The following NUP210L variants were observed in gnomAD, a reference collection of about 807,000 sequenced individuals.
The protein encoded by NUP210L is nucleoporin 210 like.
NUP210L carries 74 observed loss-of-function variants against 208.5 expected under a neutral mutation model. That is an observed-to-expected ratio of 0.35 (90% CI 0.29 to 0.43). The LOEUF is 0.43. Ranked by LOEUF, NUP210L falls within the 20% of genes least tolerant of loss-of-function variation. NUP210L has a pLI of 1.00. For missense variants in NUP210L, 1,843 were observed against 2,289.4 expected (o/e 0.81, Z 3.98); for synonymous variants, 780 against 816.9 (o/e 0.95, Z 0.77).
intron 7 of NUP210L, among the ~76,000 whole-genome samples, chr1:154,135,394 C>T (rs569119528): frequency 4.4e-4 from 67 of 152,004 alleles, no homozygotes; most frequent in Admixed American, 2.2e-3. Context: ...AAAATAAAAC[C>T]TATAGGAAAA....
chr1:153,995,153 T>C (rs764743620), exon 38 of NUP210L: 2 of 1,613,944 alleles, frequency 1.2e-6, no homozygotes, highest in East Asian at 2.2e-5. Flanking sequence ...AGTGAACCGC[T>C]TGAGGATGGC....
At chr1:154,070,295 G>A in exon 17 of NUP210L, 2 of 1,608,376 alleles carry the variant, frequency 1.2e-6, no homozygotes, top group Non-Finnish European at 1.7e-6. Flanking sequence ...TCTGCCCACT[G>A]CCATCATCTT....
At chr1:154,118,571 G>T in intron 11 of NUP210L, 100 bp downstream of exon 11, 1 of 898,464 alleles carries the variant, frequency 1.1e-6, no homozygotes, top group Non-Finnish European at 1.6e-6. Context: ...TATACTTTTA[G>T]GATTGGGAGG....
chr1:154,030,372 A>T (rs1486163949), intron 27 of NUP210L, among the ~76,000 whole-genome samples: 1 of 151,918 alleles, frequency 6.6e-6, no homozygotes, highest in Non-Finnish European at 1.5e-5. Flanking sequence ...ATCTCAGCTC[A>T]CTGCAGCCTC....
At chr1:154,055,112 CTCTT>C (rs1429751968) in intron 23 of NUP210L, among the ~76,000 whole-genome samples, 5 of 140,762 alleles carry the variant, frequency 3.6e-5, no homozygotes, top group South Asian at 4.7e-4. Context: ...TCTTTTCTTT[CTCTT>C]TCTTTCTTTT....
intron 10 of NUP210L, 134 bp from the exon 11 acceptor site, chr1:154,118,942 AAAT>A (rs1657472630): frequency 8.7e-6 from 4 of 460,724 alleles, no homozygotes; most frequent in Admixed American, 3.3e-5. Flanking sequence ...TAAAAGAAAT[AAAT>A]AAATATTTCT....
chr1:154,113,666 T>C (rs1657162077), intron 12 of NUP210L, among the ~76,000 whole-genome samples: 1 of 150,914 alleles, frequency 6.6e-6, no homozygotes, highest in Non-Finnish European at 1.5e-5. Flanking sequence ...AACACCAGCC[T>C]GGCCAATATG....
intron 17 of NUP210L, among the ~76,000 whole-genome samples, chr1:154,066,895 G>A (rs1654450074): frequency 6.6e-6 from 1 of 152,156 alleles, no homozygotes; most frequent in South Asian, 2.1e-4. Flanking sequence ...AAACCAGGAA[G>A]AAGCTGAATC....
chr1:154,055,181 T>C (rs1175177366), intron 23 of NUP210L, among the ~76,000 whole-genome samples: 19 of 143,788 alleles, frequency 1.3e-4, no homozygotes, highest in African/African-American at 4.8e-4. Flanking sequence ...CTTTCTTTCT[T>C]TCTTTCTTTT....
chr1:154,109,173 T>C (rs7520349), intron 12 of NUP210L, among the ~76,000 whole-genome samples: 41,717 of 151,172 alleles, frequency 0.28, 6,300 homozygotes, highest in Admixed American at 0.37. Context: ...TAAAGACACA[T>C]GTAGACTGAA....
intron 34 of NUP210L, among the ~76,000 whole-genome samples, chr1:154,010,999 A>C (rs1441859022): frequency 2.0e-5 from 3 of 152,154 alleles, no homozygotes; most frequent in Non-Finnish European, 4.4e-5. Flanking sequence ...TCAAGCCCCA[A>C]ATCCCTAGAA....
rs930094622 is a variant in NUP210L, at chr1:154,025,825, C to T, written c.3948-109G>A. On this transcript the variant is annotated intron_variant, in intron 29 of 39. Coordinates refer to ENST00000368559, the Ensembl canonical transcript of NUP210L. ...TTAGGGGATGTACTCGAGAAAACTG[C>T]TTGCCATTCTCCACGTGTGTAATTA... The T allele has an allele frequency of 6.0e-6, 5 of 835,128 alleles. No homozygotes were observed. In the African/African-American group the frequency reaches 6.8e-5, roughly 11 times the overall value. The allele number at this position is 835,128 out of a possible 1,614,324, so 51.7% of individuals were successfully genotyped here.
chr1:154,133,047 C>A (rs1432265521), intron 7 of NUP210L, among the ~76,000 whole-genome samples: 2 of 152,172 alleles, frequency 1.3e-5, no homozygotes, highest in Non-Finnish European at 2.9e-5. Context: ...CTAGGCCCTA[C>A]CTAATCTGCC....
intron 15 of NUP210L, 151 bp from the exon 16 acceptor site, chr1:154,089,745 T>A: frequency 1.6e-6 from 1 of 641,238 alleles, no homozygotes; most frequent in South Asian, 2.0e-5. Flanking sequence ...ATTATAGTTC[T>A]TAATTATCTA....
At chr1:154,125,667 A>G (rs1399570078) in intron 10 of NUP210L, among the ~76,000 whole-genome samples, 4 of 2,946 alleles carry the variant, frequency 1.4e-3, no homozygotes, top group Admixed American at 2.2e-3. Context: ...GGAAGGAAGG[A>G]AGGAAGGAAG....
At chr1:154,138,291 C>G in intron 5 of NUP210L, 53 bp from the exon 6 acceptor site, 1 of 1,467,580 alleles carries the variant, frequency 6.8e-7, no homozygotes, top group Non-Finnish European at 9.0e-7. Context: ...ACGGAACCCT[C>G]ACAGTCATCT....
intron 33 of NUP210L, among the ~76,000 whole-genome samples, chr1:154,016,814 A>C (rs934279178): frequency 6.6e-6 from 1 of 151,878 alleles, no homozygotes; most frequent in South Asian, 2.1e-4. Flanking sequence ...CAAAACAAAA[A>C]AATTAGCTGG....
In NUP210L at chr1:154,018,917, A is replaced by T. The variant is rs1230146479; in HGVS notation, c.4653+16T>A. 1 of 1,613,438 alleles carries T rather than the reference A, an allele frequency of 6.2e-7. No homozygotes were observed. The highest frequency in any genetic ancestry group is 1.3e-5 in the African/African-American group (1 of 74,900). ...AGTCACCCTAGTCTCTTAAACTCTG[A>T]TACAGTTATGTTTACCTCTCGATAT... On this transcript the variant is annotated intron_variant, in intron 33 of 39. Transcript: ENST00000368559.
intron 25 of NUP210L, among the ~76,000 whole-genome samples, chr1:154,052,526 T>C (rs7546159): frequency 3.8e-4 from 58 of 152,318 alleles, no homozygotes; most frequent in African/African-American, 1.3e-3. Flanking sequence ...ATAGTTATGA[T>C]AGTGGTGATC....
Sources: gnomAD v4.1 joint callset for allele counts (sites outside exome capture counted in the v4.1 genomes callset) on GRCh38, gnomAD v4.1.1 for gene constraint, MANE v1.5 for transcripts, NCBI Gene and HGNC (gene_info 2026-07-23, HGNC 2026-07-21) for gene names.